The following R3HDM2 variants were observed in gnomAD, a reference collection of about 807,000 sequenced individuals.
R3HDM2 encodes the protein R3H domain containing 2.
R3HDM2 carries 38 observed loss-of-function variants against 124.5 expected under a neutral mutation model. The observed-to-expected ratio is 0.31, with a 90% CI of 0.24 to 0.40. The LOEUF is 0.40. Among genes scored for constraint, R3HDM2 ranks in the 10% least tolerant of loss-of-function variants. The pLI is 1.00. For synonymous variants in R3HDM2, 391 were observed against 448.0 expected, an observed-to-expected ratio of 0.87 and a Z score of 1.61; for missense variants, 869 against 1,236.9, an observed-to-expected ratio of 0.70 and a Z score of 4.46.
intron 2 of R3HDM2, among the ~76,000 whole-genome samples, chr12:57,388,794 A>G (rs1160921796): frequency 2.0e-5 from 3 of 152,142 alleles, no homozygotes; most frequent in Non-Finnish European, 4.4e-5. Context: ...AGGGGGAAAA[A>G]GTTATAAAAA....
At chr12:57,307,626 CTTTT>C (rs1019477707) in intron 3 of R3HDM2, among the ~76,000 whole-genome samples, 15 of 103,698 alleles carry the variant, frequency 1.4e-4, no homozygotes, top group African/African-American at 3.6e-4. Flanking sequence ...CAGCCATGCT[CTTTT>C]TTTTTTTTTT....
chr12:57,374,651 C>T (rs2138080860), intron 2 of R3HDM2, among the ~76,000 whole-genome samples: 1 of 134,660 alleles, frequency 7.4e-6, no homozygotes, highest in East Asian at 2.1e-4. Flanking sequence ...CCATTGCACC[C>T]CAGCCTGGGC....
chr12:57,385,478 G>A (rs547971406), intron 2 of R3HDM2, among the ~76,000 whole-genome samples: 14 of 151,852 alleles, frequency 9.2e-5, no homozygotes, highest in Non-Finnish European at 1.8e-4. Context: ...TCCTGACCTC[G>A]CGATCCGCCC....
intron 1 of R3HDM2, among the ~76,000 whole-genome samples, chr12:57,427,147 T>C (rs1487234687): frequency 6.6e-6 from 1 of 151,650 alleles, no homozygotes; most frequent in Non-Finnish European, 1.5e-5. Flanking sequence ...AAAAATTAGT[T>C]GGACGTGGTG....
At chr12:57,382,869 TTTTA>T (rs989266359) in intron 2 of R3HDM2, among the ~76,000 whole-genome samples, 3 of 151,450 alleles carry the variant, frequency 2.0e-5, no homozygotes, top group African/African-American at 4.8e-5. Context: ...ATAAAATAAT[TTTTA>T]TTTATTTATT....
intron 14 of R3HDM2, chr12:57,272,622 T>TGGGGGGGGGGGGGGGGGGGG (rs35275303): frequency 4.2e-5 from 3 of 71,102 alleles, no homozygotes; most frequent in Non-Finnish European, 8.1e-5. Flanking sequence ...GGGGGTGGGG[T>TGGGGGGGGGGGGGGGGGGGG]GGGGGGGGGG....
At chr12:57,384,507 AT>A (rs1191508182) in intron 2 of R3HDM2, among the ~76,000 whole-genome samples, 9 of 152,224 alleles carry the variant, frequency 5.9e-5, no homozygotes, top group Non-Finnish European at 1.2e-4. Flanking sequence ...TATAAAAAAA[AT>A]AACATATGTA....
chr12:57,388,585 T>A (rs767626679), intron 2 of R3HDM2, among the ~76,000 whole-genome samples: 1 of 152,112 alleles, frequency 6.6e-6, no homozygotes, highest in African/African-American at 2.4e-5. Context: ...GTGAGCTAAC[T>A]TGCATTTTTC....
chr12:57,305,799 G>A (rs2052453886), intron 3 of R3HDM2: 1 of 393,874 alleles, frequency 2.5e-6, no homozygotes, highest in Admixed American at 4.4e-5. Flanking sequence ...TACATTTACA[G>A]ATATTGAGTG....
At chr12:57,349,410 A>AAAGAAAATC (rs1292188424) in intron 2 of R3HDM2, among the ~76,000 whole-genome samples, 68 of 150,002 alleles carry the variant, frequency 4.5e-4, no homozygotes, top group Middle Eastern at 6.8e-3. Flanking sequence ...AAAAAAAAGA[A>AAAGAAAATC]AAGAAAATCA....
chr12:57,340,274 A>T (rs1379955249), intron 2 of R3HDM2, among the ~76,000 whole-genome samples: 3 of 152,204 alleles, frequency 2.0e-5, no homozygotes, highest in African/African-American at 7.2e-5. Flanking sequence ...AACTGCTCCC[A>T]GTGACGTCAG....
intron 1 of R3HDM2, among the ~76,000 whole-genome samples, chr12:57,403,416 T>C (rs2068227346): frequency 6.6e-6 from 1 of 151,712 alleles, no homozygotes; most frequent in African/African-American, 2.4e-5. Flanking sequence ...GGCTTGAACC[T>C]GGGAGGCGGA....
intron 3 of R3HDM2, among the ~76,000 whole-genome samples, chr12:57,305,049 G>A (rs147080666): frequency 6.6e-6 from 1 of 152,142 alleles, no homozygotes; most frequent in Non-Finnish European, 1.5e-5. Flanking sequence ...GCCAGGCGTG[G>A]TGGTGGGCAC....
chr12:57,276,088 T>G (rs1338646162), intron 14 of R3HDM2, among the ~76,000 whole-genome samples: 1 of 151,462 alleles, frequency 6.6e-6, no homozygotes, highest in Non-Finnish European at 1.5e-5. Context: ...GTGGTGGCGG[T>G]TGCCTGTAGT....
chr12:57,328,345 A>G (rs935131987), intron 2 of R3HDM2, among the ~76,000 whole-genome samples: 3 of 152,032 alleles, frequency 2.0e-5, no homozygotes, highest in African/African-American at 7.2e-5. Flanking sequence ...TACTGGTGTG[A>G]GCCACCATGC....
chr12:57,302,527 A>G (rs993043560), intron 4 of R3HDM2, among the ~76,000 whole-genome samples: 7 of 151,566 alleles, frequency 4.6e-5, no homozygotes, highest in African/African-American at 1.7e-4. Context: ...TTAGCCAGGC[A>G]TGGTGGCGGG....
chr12:57,396,295 G>C (rs1026124184), intron 1 of R3HDM2, among the ~76,000 whole-genome samples: 5 of 151,650 alleles, frequency 3.3e-5, no homozygotes, highest in Admixed American at 6.6e-5. Context: ...CAAAAAATTA[G>C]CCAGGCACGG....
At chr12:57,411,794 C>T (rs1462869702) in intron 1 of R3HDM2, among the ~76,000 whole-genome samples, 2 of 152,142 alleles carry the variant, frequency 1.3e-5, no homozygotes, top group Non-Finnish European at 2.9e-5. Flanking sequence ...TTGAACACCC[C>T]GATATGGTTA....
intron 2 of R3HDM2, among the ~76,000 whole-genome samples, chr12:57,335,009 G>T (rs892051409): frequency 2.6e-5 from 4 of 151,082 alleles, no homozygotes; most frequent in African/African-American, 9.7e-5. Flanking sequence ...GGGTGTAGTG[G>T]TACCTCTGTG....
Sources: allele counts gnomAD v4.1 joint callset (sites outside exome capture counted in the v4.1 genomes callset), GRCh38; gene constraint gnomAD v4.1.1; transcripts MANE v1.5; gene names NCBI Gene and HGNC (gene_info 2026-07-23, HGNC 2026-07-21).